KIT: variants seen among roughly 807,000 people sequenced by gnomAD.
KIT encodes the protein mast/stem cell growth factor receptor Kit.
Under a neutral mutation model 105.7 loss-of-function variants are expected in KIT, and 16 were observed. The ratio of observed to expected loss-of-function variants is 0.15; its 90% CI spans 0.10 to 0.23. KIT has a LOEUF of 0.23. Among genes scored for constraint, KIT ranks in the 10% least tolerant of loss-of-function variants. The pLI, the probability that KIT is intolerant of heterozygous loss-of-function variation, is 1.00. For synonymous variants in KIT, 438 were observed against 441.1 expected, an observed-to-expected ratio of 0.99 and a Z score of 0.09; for missense variants, 858 against 1,213.8, an observed-to-expected ratio of 0.71 and a Z score of 4.36.
At chr4:54,682,404 A>G (rs1462592979) in intron 1 of KIT, among the ~76,000 whole-genome samples, 1 of 151,916 alleles carries the variant, frequency 6.6e-6, no homozygotes, top group African/African-American at 2.4e-5. Flanking sequence ...CTGAATTTTT[A>G]TTAATGTAAG....
At chr4:54,703,641 A>G in intron 4 of KIT, 83 bp from the exon 5 acceptor site, 2 of 1,171,562 alleles carry the variant, frequency 1.7e-6, no homozygotes, top group South Asian at 1.3e-5. Context: ...AATTGCTGCT[A>G]TTTTTAATTT....
At chr4:54,685,470 C>T (rs530454220) in intron 1 of KIT, among the ~76,000 whole-genome samples, 1 of 152,298 alleles carries the variant, frequency 6.6e-6, no homozygotes, top group South Asian at 2.1e-4. Flanking sequence ...ATAAAGCCAC[C>T]CCTCCCCTTC....
intron 2 of KIT, 183 bp downstream of exon 2, chr4:54,695,964 G>T: frequency 1.5e-6 from 1 of 685,314 alleles, no homozygotes; most frequent in Non-Finnish European, 2.5e-6. Context: ...GTGGCTTTGG[G>T]TATGGCCCCA....
chr4:54,663,363 C>G (rs774302408), intron 1 of KIT, among the ~76,000 whole-genome samples: 2 of 152,078 alleles, frequency 1.3e-5, no homozygotes, highest in African/African-American at 4.8e-5. Flanking sequence ...AGGGCCCCTG[C>G]GAGGATTAAA....
rs1719976122 is a variant in KIT at position 54,695,257 on chromosome 4, G to A, written c.68-255G>A. Among the ~76,000 whole-genome samples, 3 of 152,178 alleles carry A rather than the reference G, an allele frequency of 2.0e-5. No individual in the cohort carries two copies. The South Asian group carries it at 6.2e-4, about 32-fold the overall frequency. ...CCAATTGTATGTTTAGCCCAGAGAA[G>A]GCTGGGGCATTCAGCACATCCTGGC... On this transcript the variant is annotated intron_variant, in intron 1 of 20. Coordinates refer to ENST00000288135, the MANE Select transcript of KIT (RefSeq NM_000222.3).
rs1398046219 is a variant in KIT, at chr4:54,731,932, C to T, written c.2295C>T (p.Asp765=). ...AIMEDDELAL[D]LEDLLSFSYQ... ...TGGAGGATGACGAGTTGGCCCTAGA[C>T]TTAGAAGACTTGCTGAGCTTTTCTT... The change falls in exon 16 of 21, where the codon GAC becomes GAT. Residue 765 remains aspartate, a synonymous_variant. Transcript: ENST00000288135. 1.9e-6 allele frequency: 3 copies of T among 1,613,496 alleles called. No individual in the cohort carries two copies. The highest frequency in any genetic ancestry group is 2.5e-6 in the Non-Finnish European group (3 of 1,179,736).
At chr4:54,660,315 G>T (rs1052437488) in intron 1 of KIT, among the ~76,000 whole-genome samples, 2 of 152,048 alleles carry the variant, frequency 1.3e-5, no homozygotes, top group African/African-American at 4.8e-5. Context: ...CAGCTCCTGT[G>T]CCTAACAGGA....
Position 54,736,575 on chromosome 4 carries a change from C to G in KIT, c.2562C>G (p.Ser854=), listed in dbSNP as rs750039813. Residue 854 remains serine (S), a synonymous_variant, in exon 18 of 21, where the codon TCC becomes TCG. Coordinates refer to ENST00000288135, the MANE Select transcript of KIT (RefSeq NM_000222.3). ...CVYTFESDVW[S]YGIFLWELFS... Reference sequence around the variant, plus strand: ...ACACGTTTGAAAGTGACGTCTGGTCCTATGGGATTTTTCTTTGGGAGCTGT... The same window carrying G: ...ACACGTTTGAAAGTGACGTCTGGTCGTATGGGATTTTTCTTTGGGAGCTGT... 1.2e-5 allele frequency: 20 copies of G among 1,613,944 alleles called. No individual in the cohort carries two copies. Among genetic ancestry groups the G allele is most frequent in the Non-Finnish European group, 1.7e-5 (20 of 1,179,950 alleles).
intron 1 of KIT, among the ~76,000 whole-genome samples, chr4:54,663,180 C>G (rs1175343092): frequency 1.3e-5 from 2 of 152,164 alleles, no homozygotes; most frequent in Non-Finnish European, 2.9e-5. Flanking sequence ...AAGGTTTAAG[C>G]CAAATTATTA....
intron 1 of KIT, among the ~76,000 whole-genome samples, chr4:54,676,356 T>A (rs1331845559): frequency 6.6e-6 from 1 of 152,230 alleles, no homozygotes; most frequent in Non-Finnish European, 1.5e-5. Flanking sequence ...GCCTTGAGTG[T>A]AAAAATTACT....
rs763847901 is a variant in KIT, at chr4:54,736,559, A to G, written c.2546A>G (p.Glu849Gly). Residue 849 changes from glutamate (E) to glycine (G), a missense_variant, in exon 18 of 21, where the codon GAA becomes GGA. Glu to Gly is a moderately conservative substitution (Grantham distance 98, BLOSUM62 -2). Coordinates refer to ENST00000288135, the MANE Select transcript of KIT (RefSeq NM_000222.3). ...ATTTTCAACTGTGTATACACGTTTG[A>G]AAGTGACGTCTGGTCCTATGGGATT... ...ESIFNCVYTF[E>G]SDVWSYGIFL... is the part of the protein sequence containing the mutation. 6.2e-7 allele frequency: 1 copy of G among 1,614,166 alleles called. No individual in the cohort carries two copies. The highest frequency in any genetic ancestry group is 2.2e-5 in the East Asian group (1 of 44,886).
chr4:54,722,561 G>A (rs1046532999), intron 7 of KIT, among the ~76,000 whole-genome samples: 2 of 151,928 alleles, frequency 1.3e-5, no homozygotes, highest in African/African-American at 2.4e-5. Flanking sequence ...CTATTCTTCA[G>A]AGTACAGGGT....
chr4:54,682,586 C>T (rs2703465), intron 1 of KIT, among the ~76,000 whole-genome samples: 25,142 of 151,588 alleles, frequency 0.17, 4,049 homozygotes, highest in African/African-American at 0.42. Context: ...TCACCATATC[C>T]GGCTAATTTT....
At chr4:54,690,799 T>C (rs950493575) in intron 1 of KIT, among the ~76,000 whole-genome samples, 5 of 152,330 alleles carry the variant, frequency 3.3e-5, no homozygotes, top group Non-Finnish European at 1.5e-5. Context: ...TACGAACCTC[T>C]ACTCTTTTAA....
chr4:54,700,602 A>G (rs1200177324), intron 4 of KIT, among the ~76,000 whole-genome samples: 2 of 152,218 alleles, frequency 1.3e-5, no homozygotes, highest in Admixed American at 6.5e-5. Flanking sequence ...TTAATTAGCT[A>G]TCACAGTGGT....
chr4:54,705,615 G>A (rs918647868), intron 5 of KIT, among the ~76,000 whole-genome samples: 17 of 152,178 alleles, frequency 1.1e-4, no homozygotes, highest in African/African-American at 3.9e-4. Context: ...TTGAATTGGA[G>A]GCTCTGCCTG....
At chr4:54,730,036 A>AT (rs1220175612) in intron 14 of KIT, among the ~76,000 whole-genome samples, 5 of 152,126 alleles carry the variant, frequency 3.3e-5, no homozygotes, top group African/African-American at 1.2e-4. Context: ...ACTCCAGCAC[A>AT]TTTTTTAAAA....
intron 17 of KIT, among the ~76,000 whole-genome samples, chr4:54,734,913 T>C (rs1722833552): frequency 6.6e-6 from 1 of 152,116 alleles, no homozygotes. Flanking sequence ...ACTAAGTAAA[T>C]TTGTGATATG....
intron 14 of KIT, among the ~76,000 whole-genome samples, 196 bp from the exon 15 acceptor site, chr4:54,731,132 A>T (rs1183727284): frequency 6.6e-6 from 1 of 152,092 alleles, no homozygotes; most frequent in Non-Finnish European, 1.5e-5. Context: ...CTGGGCATGG[A>T]CCCCAATATC....
Sources: allele counts gnomAD v4.1 joint callset (sites outside exome capture counted in the v4.1 genomes callset), GRCh38; gene constraint gnomAD v4.1.1; transcripts MANE v1.5; gene names NCBI Gene and HGNC (gene_info 2026-07-23, HGNC 2026-07-21).